Variants in CCDC91 observed in about 807,000 individuals in gnomAD.
The protein encoded by CCDC91 is coiled-coil domain containing 91.
In CCDC91, 48 loss-of-function variants were observed where a neutral mutation model predicts 63.2. The observed-to-expected ratio is 0.76, with a 90% CI of 0.60 to 0.97. The LOEUF (loss-of-function observed/expected upper bound fraction) is 0.97. CCDC91 is among the 50% of genes least tolerant of loss of function. CCDC91 has a pLI of 0.00. For synonymous variants in CCDC91, 167 were observed against 165.8 expected, an observed-to-expected ratio of 1.01 and a Z score of -0.06; for missense variants, 500 against 494.6, an observed-to-expected ratio of 1.01 and a Z score of -0.10.
At chr12:28,192,653 T>C (rs1941359465) in intron 1 of CCDC91, among the ~76,000 whole-genome samples, 1 of 152,232 alleles carries the variant, frequency 6.6e-6, no homozygotes, top group Admixed American at 6.5e-5. Flanking sequence ...TAAGGATTTT[T>C]GGTCTCCTTA....
chr12:28,382,345 A>C (rs1945345028), intron 7 of CCDC91, among the ~76,000 whole-genome samples: 1 of 151,890 alleles, frequency 6.6e-6, no homozygotes, highest in African/African-American at 2.4e-5. Context: ...CTAGTAATTA[A>C]AACAATAATG....
chr12:28,364,214 C>T (rs764358900), intron 7 of CCDC91, among the ~76,000 whole-genome samples: 6 of 151,838 alleles, frequency 4.0e-5, no homozygotes, highest in African/African-American at 1.2e-4. Context: ...GGTGAAAACC[C>T]GTTTCTACTA....
rs560148934 is a variant in CCDC91, at chr12:28,511,550, G to T, written c.1215+27385G>T. ...AAGAAGAATGAGGGGCCTTAAAAGA[G>T]CCATGTGGTTCCAGTATAAGCAAAG... On this transcript the variant is annotated intron_variant, in intron 12 of 12. Transcript: ENST00000536442. 3.3e-5 allele frequency among the ~76,000 whole-genome samples: 5 copies of T among 151,914 alleles called. 1 individual carries two copies. In the Middle Eastern group the frequency reaches 0.017, roughly 517 times the overall value.
At chr12:28,256,113 A>G (rs928130737) in intron 1 of CCDC91, 1 of 152,146 alleles carries the variant, frequency 6.6e-6, no homozygotes, top group African/African-American at 2.4e-5. Context: ...TTAATTTAAA[A>G]CATTGCTTTT....
At chr12:28,489,469 A>G (rs1484194607) in intron 12 of CCDC91, among the ~76,000 whole-genome samples, 5 of 151,922 alleles carry the variant, frequency 3.3e-5, no homozygotes, top group Non-Finnish European at 7.4e-5. Flanking sequence ...ACTGTTACAC[A>G]TGAGTTTGCT....
At chr12:28,366,496 T>A (rs1000702764) in intron 7 of CCDC91, among the ~76,000 whole-genome samples, 2 of 152,230 alleles carry the variant, frequency 1.3e-5, no homozygotes, top group African/African-American at 2.4e-5. Flanking sequence ...GAGAGAGAAC[T>A]TAGATTTTCA....
chr12:28,514,725 C>G (rs1445681517), intron 12 of CCDC91, among the ~76,000 whole-genome samples: 1 of 151,860 alleles, frequency 6.6e-6, no homozygotes, highest in Non-Finnish European at 1.5e-5. Context: ...GTTATCCTAG[C>G]ACCATTTATC....
At chr12:28,427,055 T>A (rs1948360304) in intron 8 of CCDC91, among the ~76,000 whole-genome samples, 1 of 152,116 alleles carries the variant, frequency 6.6e-6, no homozygotes, top group Non-Finnish European at 1.5e-5. Flanking sequence ...CTCCTCCTTA[T>A]ACAGAGACTT....
chr12:28,408,677 C>T (rs1051900243), intron 8 of CCDC91, among the ~76,000 whole-genome samples: 18 of 152,012 alleles, frequency 1.2e-4, no homozygotes, highest in African/African-American at 4.4e-4. Flanking sequence ...GAGTCTTGCT[C>T]TGTATCCCAG....
intron 12 of CCDC91, among the ~76,000 whole-genome samples, chr12:28,520,653 A>G (rs1203009712): frequency 6.6e-6 from 1 of 152,172 alleles, no homozygotes; most frequent in African/African-American, 2.4e-5. Context: ...GCCCATGCCT[A>G]TGTCCTGAAT....
chr12:28,231,423 AT>A (rs1944592264), intron 1 of CCDC91, among the ~76,000 whole-genome samples: 1 of 152,192 alleles, frequency 6.6e-6, no homozygotes, highest in Admixed American at 6.5e-5. Context: ...AACTAAAGAA[AT>A]ATCTTTGTAC....
At chr12:28,191,709 A>G (rs1941266991) in intron 1 of CCDC91, among the ~76,000 whole-genome samples, 1 of 152,104 alleles carries the variant, frequency 6.6e-6, no homozygotes, top group Non-Finnish European at 1.5e-5. Context: ...GCTGTCGGAG[A>G]GTTCTACACT....
intron 1 of CCDC91, among the ~76,000 whole-genome samples, chr12:28,203,940 A>T (rs779554939): frequency 6.6e-6 from 1 of 152,172 alleles, no homozygotes; most frequent in Non-Finnish European, 1.5e-5. Flanking sequence ...TGGAGAAATT[A>T]GATTTTCTGG....
chr12:28,192,467 C>T (rs1172843912), intron 1 of CCDC91, among the ~76,000 whole-genome samples: 2 of 152,104 alleles, frequency 1.3e-5, no homozygotes, highest in African/African-American at 4.8e-5. Context: ...CCTTTGTCAA[C>T]CTGTTCCTTG....
At chr12:28,280,704 TGCAGTG>T (rs1398959908) in intron 3 of CCDC91, among the ~76,000 whole-genome samples, 1 of 151,922 alleles carries the variant, frequency 6.6e-6, no homozygotes, top group African/African-American at 2.4e-5. Flanking sequence ...TGCAGCCTGA[TGCAGTG>T]GCTCATACTT....
chr12:28,493,653 T>C (rs1487377593), intron 12 of CCDC91, among the ~76,000 whole-genome samples: 1 of 151,782 alleles, frequency 6.6e-6, no homozygotes, highest in Non-Finnish European at 1.5e-5. Flanking sequence ...TATATTCCCA[T>C]TGCCAATATT....
intron 11 of CCDC91, among the ~76,000 whole-genome samples, chr12:28,471,836 G>A (rs570110464): frequency 2.6e-5 from 4 of 150,950 alleles, no homozygotes; most frequent in South Asian, 2.1e-4. Context: ...TACAACCTCC[G>A]CCTCCCGGGT....
intron 1 of CCDC91, among the ~76,000 whole-genome samples, chr12:28,228,401 C>T (rs1369919177): frequency 6.6e-6 from 1 of 152,014 alleles, no homozygotes; most frequent in Non-Finnish European, 1.5e-5. Flanking sequence ...CTGTGATATC[C>T]AAGGACATAA....
chr12:28,308,368 T>G (rs1228500551), intron 6 of CCDC91, among the ~76,000 whole-genome samples: 1 of 152,056 alleles, frequency 6.6e-6, no homozygotes, highest in African/African-American at 2.4e-5. Context: ...CTAAAGTATA[T>G]TCTAACTAGT....
Sources: gnomAD v4.1 joint callset for allele counts (sites outside exome capture counted in the v4.1 genomes callset) on GRCh38, gnomAD v4.1.1 for gene constraint, MANE v1.5 for transcripts, NCBI Gene and HGNC (gene_info 2026-07-23, HGNC 2026-07-21) for gene names.